Variants in IL21R observed in about 807,000 individuals in gnomAD.
IL21R encodes the protein interleukin-21 receptor.
A neutral mutation model predicts 41.3 loss-of-function variants in IL21R; 14 were observed. That is an observed-to-expected ratio of 0.34 (90% CI 0.22 to 0.53). IL21R has a LOEUF of 0.53. Among genes scored for constraint, IL21R ranks in the 20% least tolerant of loss-of-function variants. IL21R has a pLI of 0.94. For missense variants in IL21R, 588 were observed against 681.6 expected, an observed-to-expected ratio of 0.86 and a Z score of 1.53; for synonymous variants, 286 against 287.6, an observed-to-expected ratio of 0.99 and a Z score of 0.05.
At chr16:27,441,356 C>T (rs191279620) in intron 4 of IL21R, among the ~76,000 whole-genome samples, 35 of 152,328 alleles carry the variant, frequency 2.3e-4, no homozygotes, top group Admixed American at 2.2e-3. Flanking sequence ...AAATGTCCTT[C>T]GAATGGAGCA....
intron 4 of IL21R, among the ~76,000 whole-genome samples, chr16:27,442,024 A>G (rs1212485706): frequency 2.6e-5 from 4 of 151,648 alleles, no homozygotes; most frequent in African/African-American, 4.8e-5. Context: ...GGGGGAAAAA[A>G]CCCTTGGAGA....
intron 3 of IL21R, among the ~76,000 whole-genome samples, chr16:27,436,320 G>A (rs2087269539): frequency 6.6e-6 from 1 of 152,270 alleles, no homozygotes; most frequent in Non-Finnish European, 1.5e-5. Flanking sequence ...GTGAGAAGGA[G>A]GAAGCCAGGG....
intron 1 of IL21R, among the ~76,000 whole-genome samples, chr16:27,406,393 G>A (rs755597677): frequency 2.6e-5 from 4 of 152,130 alleles, no homozygotes; most frequent in Non-Finnish European, 5.9e-5. Flanking sequence ...CACAGGCAGC[G>A]GGGGTGGGGA....
chr16:27,413,631 T>G (rs2086852819), intron 1 of IL21R, among the ~76,000 whole-genome samples: 1 of 151,858 alleles, frequency 6.6e-6, no homozygotes, highest in Non-Finnish European at 1.5e-5. Context: ...CCTTTCTAGT[T>G]TAGGTCTGCT....
intron 1 of IL21R, among the ~76,000 whole-genome samples, chr16:27,416,778 C>A (rs550464830): frequency 6.6e-6 from 1 of 152,194 alleles, no homozygotes; most frequent in Non-Finnish European, 1.5e-5. Flanking sequence ...TCTATCCCCC[C>A]TCCCCTCAGC....
chr16:27,422,447 CTT>C (rs528328111), intron 1 of IL21R, among the ~76,000 whole-genome samples: 387 of 152,144 alleles, frequency 2.5e-3, no homozygotes, highest in Middle Eastern at 0.01. Context: ...TTCTATGTCT[CTT>C]TTGCTCTTTT....
At chr16:27,427,855 G>C (rs918808997) in intron 1 of IL21R, among the ~76,000 whole-genome samples, 2 of 152,118 alleles carry the variant, frequency 1.3e-5, no homozygotes, top group African/African-American at 4.8e-5. Flanking sequence ...AATCACACAG[G>C]ATTCATATTC....
intron 1 of IL21R, among the ~76,000 whole-genome samples, chr16:27,429,178 C>T (rs62032074): frequency 2.8e-4 from 43 of 152,032 alleles, no homozygotes; most frequent in Non-Finnish European, 5.0e-4. Context: ...GAGCCAAGAT[C>T]GGGCCACTGC....
chr16:27,405,047 T>G (rs2141253115), intron 1 of IL21R, among the ~76,000 whole-genome samples: 1 of 152,070 alleles, frequency 6.6e-6, no homozygotes, highest in South Asian at 2.1e-4. Flanking sequence ...TTTAATTTTT[T>G]TTTGAGACAG....
chr16:27,418,101 G>A (rs1315835049), intron 1 of IL21R, among the ~76,000 whole-genome samples: 2 of 145,492 alleles, frequency 1.4e-5, no homozygotes, highest in East Asian at 2.0e-4. Flanking sequence ...ACGGAGGTTC[G>A]CTCTATCGCC....
chr16:27,444,460 T>G, intron 5 of IL21R, 82 bp from the exon 6 acceptor site: 1 of 965,588 alleles, frequency 1.0e-6, no homozygotes, highest in Non-Finnish European at 1.4e-6. Context: ...TGATGGAAGC[T>G]GGGAAAAGAG....
intron 4 of IL21R, among the ~76,000 whole-genome samples, chr16:27,440,753 T>G (rs1220774409): frequency 6.6e-6 from 1 of 152,020 alleles, no homozygotes; most frequent in Non-Finnish European, 1.5e-5. Flanking sequence ...GGTGGCAGAT[T>G]GAAAGTGAAG....
rs1183465937 is a variant in IL21R, at chr16:27,450,762, T to C, written c.*1479T>C. ...CACGCCTGGCTAATTTTTGTATTTT[T>C]AGTAGAGCTGGGGCCACCCTGGCCC... On this transcript the variant is annotated 3_prime_UTR_variant, in exon 9 of 9. Transcript: ENST00000337929. 2 of 224,282 alleles carry C rather than the reference T, an allele frequency of 8.9e-6. No individual in the cohort carries two copies. The highest frequency in any genetic ancestry group is 4.5e-5 in the African/African-American group (2 of 44,774). The allele number at this position is 224,282 out of a possible 1,614,324, so 13.9% of individuals were successfully genotyped here.
At chr16:27,406,057 C>T (rs1008638539) in intron 1 of IL21R, among the ~76,000 whole-genome samples, 1 of 152,276 alleles carries the variant, frequency 6.6e-6, no homozygotes, top group Non-Finnish European at 1.5e-5. Flanking sequence ...CTCTCTGGGC[C>T]TCCTTTCCCC....
At position 27,451,279 on chromosome 16, in the gene IL21R, G is replaced by C. The variant is rs2087593839; in HGVS notation, c.*1996G>C. ...AAGCAGCACAGCTCTCCTGCACCCA[G>C]AGCTTGCTGGGTGGCGGAGGGGAAC... On this transcript the variant is annotated 3_prime_UTR_variant, in exon 9 of 9. Transcript: ENST00000337929. 4.3e-6 allele frequency: 1 copy of C among 230,114 alleles called. No homozygotes were observed. The highest frequency in any genetic ancestry group is 2.2e-5 in the African/African-American group (1 of 45,274). The allele number at this position is 230,114 out of a possible 1,614,324, so 14.3% of individuals were successfully genotyped here.
intron 1 of IL21R, among the ~76,000 whole-genome samples, chr16:27,407,504 T>C (rs1247897178): frequency 1.3e-5 from 2 of 152,176 alleles, no homozygotes; most frequent in Non-Finnish European, 2.9e-5. Context: ...AAGGCCCTGA[T>C]GCAGGAAAAA....
At chr16:27,422,895 T>C (rs2087018638) in intron 1 of IL21R, among the ~76,000 whole-genome samples, 1 of 152,242 alleles carries the variant, frequency 6.6e-6, no homozygotes, top group African/African-American at 2.4e-5. Flanking sequence ...AGCAGACATA[T>C]AGCATATAAG....
Position 27,449,258 on chromosome 16 carries a change from C to G in IL21R, c.1592C>G (p.Ser531Trp), listed in dbSNP as rs374407296. Residue 531 changes from serine (S) to tryptophan (W), a missense_variant, in exon 9 of 9, where the codon TCG becomes TGG. Ser to Trp is a radical substitution (Grantham distance 177, BLOSUM62 -3). Coordinates refer to ENST00000337929, the MANE Select transcript of IL21R (RefSeq NM_181078.3). ...TGGGTGGTCATTCCTCCGCCACTTT[C>G]GAGCCCTGGACCCCAGGCCAGCTAA... ...RQWVVIPPPL[S>W]SPGPQAS is the part of the protein sequence containing the mutation. 6.2e-7 allele frequency: 1 copy of G among 1,607,078 alleles called. No individual in the cohort carries two copies. The highest frequency in any genetic ancestry group is 1.7e-5 in the Admixed American group (1 of 59,668).
Position 27,434,403 on chromosome 16 carries a change from A to G in IL21R, c.106A>G (p.Ile36Val). The change falls in exon 3 of 9, where the codon ATC becomes GTC. Residue 36 changes from isoleucine to valine, a missense_variant. Physicochemically the swap from Ile to Val is conservative, Grantham distance 29. Transcript: ENST00000337929. ...CGATTACCTCCAGACGGTCATCTGC[A>G]TCCTGGAAATGTGGAACCTCCACCC... is the stretch of plus-strand genomic sequence containing the variant. ...YTDYLQTVICILEMWNLHPST... is the reference protein window; with the variant it reads ...YTDYLQTVICVLEMWNLHPST... The G allele has an allele frequency of 6.2e-7, 1 of 1,614,010 alleles. No individual in the cohort carries two copies. The highest frequency in any genetic ancestry group is 2.2e-5 in the East Asian group (1 of 44,884).
Sources: allele counts gnomAD v4.1 joint callset (sites outside exome capture counted in the v4.1 genomes callset), GRCh38; gene constraint gnomAD v4.1.1; transcripts MANE v1.5; gene names NCBI Gene and HGNC (gene_info 2026-07-23, HGNC 2026-07-21).